Variants in FAM107A observed in about 807,000 individuals in gnomAD.
The protein encoded by FAM107A is actin-associated protein FAM107A.
FAM107A carries 19 observed loss-of-function variants against 13.7 expected under a neutral mutation model. That is an observed-to-expected ratio of 1.38 (90% CI 0.97 to 2.03). The LOEUF (loss-of-function observed/expected upper bound fraction) is 2.03, where lower values mean the gene tolerates loss of function less well. Ranked by LOEUF, FAM107A falls within the 30% of genes most tolerant of loss-of-function variation. The probability of loss-of-function intolerance (pLI) is 0.00; values close to 1 mark genes in which losing one functional copy is unlikely to be tolerated. For synonymous variants in FAM107A, 82 were observed against 74.5 expected (o/e 1.10, Z -0.52); for missense variants, 203 against 184.4 (o/e 1.10, Z -0.58).
chr3:58,585,451 G>C (rs2065595215), intron 1 of FAM107A, among the ~76,000 whole-genome samples: 1 of 152,264 alleles, frequency 6.6e-6, no homozygotes, highest in African/African-American at 2.4e-5. Flanking sequence ...TTGGAGAACT[G>C]TGGTTCCAGT....
chr3:58,611,079 T>C (rs1209178948), intron 1 of FAM107A, among the ~76,000 whole-genome samples: 2 of 152,226 alleles, frequency 1.3e-5, no homozygotes, highest in African/African-American at 4.8e-5. Context: ...TTCTCCTCCA[T>C]GTCACCTTGT....
At chr3:58,579,808 G>A (rs1050108619), upstream of FAM107A, among the ~76,000 whole-genome samples, 4 of 152,132 alleles carry the variant, frequency 2.6e-5, no homozygotes, top group Admixed American at 6.5e-5. Flanking sequence ...AGTAGTCCTC[G>A]GATGTTGGGC....
At chr3:58,572,380 T>C (rs564463122) in intron 1 of FAM107A, among the ~76,000 whole-genome samples, 13 of 152,214 alleles carry the variant, frequency 8.5e-5, no homozygotes, top group African/African-American at 3.1e-4. Context: ...AGGGACCCGC[T>C]GTCAGCCAGG....
At chr3:58,595,765 G>T (rs764935389) in intron 1 of FAM107A, among the ~76,000 whole-genome samples, 2 of 152,132 alleles carry the variant, frequency 1.3e-5, no homozygotes, top group African/African-American at 2.4e-5. Flanking sequence ...TGCAAGACTT[G>T]TTGGAAAATA....
At chr3:58,567,645 ATTTTC>A (rs1201364299) in intron 2 of FAM107A, among the ~76,000 whole-genome samples, 20 of 152,114 alleles carry the variant, frequency 1.3e-4, no homozygotes, top group African/African-American at 3.4e-4. Flanking sequence ...ATTTCTGGTT[ATTTTC>A]TTAGGATACT....
chr3:58,568,455 A>G (rs1246036826), intron 2 of FAM107A, among the ~76,000 whole-genome samples: 1 of 152,126 alleles, frequency 6.6e-6, no homozygotes, highest in Non-Finnish European at 1.5e-5. Context: ...AAAGAAAAAA[A>G]GAAAAAAAAC....
chr3:58,615,982 G>T (rs1275566279), intron 1 of FAM107A, among the ~76,000 whole-genome samples: 3 of 151,394 alleles, frequency 2.0e-5, no homozygotes, highest in Non-Finnish European at 4.4e-5. Context: ...AGGGAAAGGT[G>T]CACAGGTGGA....
At chr3:58,580,831 G>A (rs752094475), upstream of FAM107A, among the ~76,000 whole-genome samples, 48 of 151,740 alleles carry the variant, frequency 3.2e-4, no homozygotes, top group Non-Finnish European at 4.7e-4. Flanking sequence ...TGATGTTTGC[G>A]GTGTTAAAAG....
intron 1 of FAM107A, among the ~76,000 whole-genome samples, chr3:58,599,672 T>C (rs919552360): frequency 2.3e-4 from 33 of 146,522 alleles, no homozygotes; most frequent in African/African-American, 8.2e-4. Flanking sequence ...ATGTGTTAAG[T>C]GGTATACTTA....
At chr3:58,592,738 A>C (rs547387142) in intron 1 of FAM107A, among the ~76,000 whole-genome samples, 1 of 152,286 alleles carries the variant, frequency 6.6e-6, no homozygotes, top group South Asian at 2.1e-4. Context: ...TCAGCCTCCA[A>C]CTTAAAAAGG....
chr3:58,569,076 T>C lies in FAM107A; in HGVS notation c.170+615A>G, dbSNP rs2063654040. Among the ~76,000 whole-genome samples the C allele has an allele frequency of 6.6e-6, 1 of 152,188 alleles. No individual in the cohort carries two copies. Among genetic ancestry groups the C allele is most frequent in the South Asian group, 2.1e-4 (1 of 4,834 alleles). ...GCCCCTGCTGTAGACCTTTCCTTAG[T>C]CCATCCTTCTGCCCTGGCCTGCACC... is the stretch of plus-strand genomic sequence containing the variant. On this transcript the variant is annotated intron_variant, in intron 2 of 3. Coordinates refer to ENST00000360997, the MANE Select transcript of FAM107A (RefSeq NM_001076778.3). The surrounding 1 kb of genome is among the most constrained non-coding windows in gnomAD (Gnocchi z 5.7).
intron 1 of FAM107A, chr3:58,573,391 A>G (rs1416743691): frequency 6.6e-6 from 1 of 152,296 alleles, no homozygotes; most frequent in Non-Finnish European, 1.5e-5. Flanking sequence ...TACTCAATAA[A>G]GCACAGGTGG....
At position 58,573,946 on chromosome 3, in the gene FAM107A, C is replaced by T. The variant is rs191288264; in HGVS notation, c.-6+3363G>A. Among the ~76,000 whole-genome samples the T allele has an allele frequency of 2.6e-3, 401 of 152,322 alleles. 1 individual carries two copies. The highest frequency in any genetic ancestry group is 4.3e-3 in the Non-Finnish European group (291 of 68,028). ...TGCAAAATGAGCGTTACATTAGAATCCTCCTCCATGAACTTGTGATATCAT... is the reference window on the plus strand; with the variant it reads ...TGCAAAATGAGCGTTACATTAGAATTCTCCTCCATGAACTTGTGATATCAT... On this transcript the variant is annotated intron_variant, in intron 1 of 3. Transcript: ENST00000360997.
chr3:58,575,335 T>C (rs768991909), intron 1 of FAM107A, among the ~76,000 whole-genome samples: 19 of 152,168 alleles, frequency 1.2e-4, no homozygotes, highest in Non-Finnish European at 2.1e-4. Flanking sequence ...TACAATGGCA[T>C]GATGTGCTTA....
chr3:58,584,534 T>C (rs535902913), intron 1 of FAM107A, among the ~76,000 whole-genome samples: 2 of 152,282 alleles, frequency 1.3e-5, no homozygotes, highest in East Asian at 1.9e-4. Context: ...TAGTGGACCA[T>C]GGGCAAGGTG....
upstream of FAM107A, among the ~76,000 whole-genome samples, chr3:58,579,457 A>G (rs1429698092): frequency 6.6e-6 from 1 of 152,128 alleles, no homozygotes; most frequent in Non-Finnish European, 1.5e-5. Context: ...TTCTTGAGGC[A>G]CTATGAATGG....
At chr3:58,589,239 T>G, upstream of FAM107A, 1 of 1,535,372 alleles carries the variant, frequency 6.5e-7, no homozygotes, top group Non-Finnish European at 8.7e-7. Flanking sequence ...TCATTTTCAC[T>G]ATGAAATCTG....
At chr3:58,595,593 C>T (rs1426969817) in intron 1 of FAM107A, among the ~76,000 whole-genome samples, 1 of 152,178 alleles carries the variant, frequency 6.6e-6, no homozygotes, top group East Asian at 1.9e-4. Context: ...AACTCCACCG[C>T]CTATCCCAAA....
rs1559472728 is a variant in FAM107A at position 58,566,705 on chromosome 3, G to A, written c.328-10C>T. On this transcript the variant is annotated splice_polypyrimidine_tract_variant and intron_variant, in intron 3 of 3. Transcript: ENST00000360997. ...CTGGTGGTTTTTCCAGCTGAAGGAG[G>A]GAGAAGCAGAGAGTGAAGTGGGTGG... is the stretch of plus-strand genomic sequence containing the variant. 3.1e-6 allele frequency: 5 copies of A among 1,604,848 alleles called. No homozygotes were observed. The highest frequency in any genetic ancestry group is 4.3e-6 in the Non-Finnish European group (5 of 1,171,672).
Sources: allele counts gnomAD v4.1 joint callset (sites outside exome capture counted in the v4.1 genomes callset), GRCh38; gene constraint gnomAD v4.1.1; non-coding constraint Gnocchi (gnomAD v3.1); transcripts MANE v1.5; gene names NCBI Gene and HGNC (gene_info 2026-07-23, HGNC 2026-07-21).